Variants in ZNF20 observed in about 807,000 individuals in gnomAD.
ZNF20 encodes the protein zinc finger protein KOX13.
ZNF20 carries 9 observed loss-of-function variants against 11.0 expected under a neutral mutation model. The ratio of observed to expected loss-of-function variants is 0.82; its 90% CI spans 0.49 to 1.43. The LOEUF (loss-of-function observed/expected upper bound fraction) is 1.43, where lower values mean the gene tolerates loss of function less well. ZNF20 is among the 40% of genes most tolerant of loss of function. The pLI is 0.00. For synonymous variants in ZNF20, 182 were observed against 213.0 expected, an observed-to-expected ratio of 0.85 and a Z score of 1.27; for missense variants, 528 against 640.8, an observed-to-expected ratio of 0.82 and a Z score of 1.90.
intron 1 of ZNF20, among the ~76,000 whole-genome samples, chr19:12,138,525 A>G (rs1299287217): frequency 6.6e-6 from 1 of 152,034 alleles, no homozygotes; most frequent in Non-Finnish European, 1.5e-5. Flanking sequence ...GAGGAGAGGA[A>G]CAGAGGTTTT....
intron 1 of ZNF20, chr19:12,136,803 C>T (rs773876186): frequency 3.1e-5 from 13 of 420,960 alleles, no homozygotes; most frequent in South Asian, 6.9e-5. Context: ...AGTGAAACCA[C>T]GACAAAGCAG....
In ZNF20 at chr19:12,133,659, C is replaced by T; in HGVS notation, c.527G>A (p.Cys176Tyr). The T allele has an allele frequency of 6.2e-7, 1 of 1,614,194 alleles. No individual in the cohort carries two copies. Among genetic ancestry groups the T allele is most frequent in the Non-Finnish European group, 8.5e-7 (1 of 1,180,038 alleles). Reference protein sequence around the residue: ...TKEKPYDGKECTETFISHSCI... With the variant: ...TKEKPYDGKEYTETFISHSCI... ...TGAATGGGAAATGAAGGTTTCTGTA[C>T]ATTCTTTACCATCATAGGGTTTCTC... is the stretch of plus-strand genomic sequence containing the variant. Residue 176 changes from cysteine (C) to tyrosine (Y), a missense_variant, in exon 4 of 4, where the codon TGT becomes TAT. Transcript: ENST00000334213.
rs1976779795 is a variant in ZNF20 at position 12,140,224 on chromosome 19, C to T, written c.-42G>A. 3 of 1,595,596 alleles carry T rather than the reference C, an allele frequency of 1.9e-6. No homozygotes were observed. Among genetic ancestry groups the T allele is most frequent in the Admixed American group, 1.8e-5 (1 of 56,860 alleles). On this transcript the variant is annotated 5_prime_UTR_variant, in exon 1 of 4. Transcript: ENST00000334213. ...GTCCCGGTGTCCTCTCTAGGGCTCC[C>T]GTGAATAGTGCGGGTCACGGTGCAG...
intron 1 of ZNF20, 148 bp from the exon 2 acceptor site, chr19:12,136,052 C>A (rs1243718417): frequency 1.9e-6 from 2 of 1,050,638 alleles, no homozygotes; most frequent in East Asian, 5.5e-5. Flanking sequence ...TACTCACGTC[C>A]TCCCACAAAC....
At position 12,132,931 on chromosome 19, in the gene ZNF20, C is replaced by T. The variant is rs1283671764; in HGVS notation, c.1255G>A (p.Gly419Arg). Residue 419 changes from glycine (G) to arginine (R), a missense_variant, in exon 4 of 4, where the codon GGA becomes AGA. Gly to Arg is a moderately radical substitution (Grantham distance 125). Transcript: ENST00000334213. ...SLRIHERTHTGEKPHECKQCG... is the reference protein window; with the variant it reads ...SLRIHERTHTREKPHECKQCG... The stretch of plus-strand genomic sequence containing the variant: ...TGCTTACATTCATGGGGCTTCTCTC[C>T]AGTGTGCGTCCTTTCATGTATACGC... The T allele has an allele frequency of 1.9e-6, 3 of 1,614,130 alleles. No homozygotes were observed. In the East Asian group the frequency reaches 6.7e-5, roughly 36 times the overall value.
Position 12,133,187 on chromosome 19 carries a change from G to A in ZNF20, c.999C>T (p.His333=), listed in dbSNP as rs1317850239. Residue 333 remains histidine, a synonymous_variant, in exon 4 of 4, where the codon CAC becomes CAT. Transcript: ENST00000334213. ...TACATTCATAGGGTTTCTCTCCAGT[G>A]TGAGTCCTTCCATGCTTTTGAAGGT... ...GSHLQKHGRT[H]TGEKPYECRQ... is the part of the protein sequence containing the mutation. The A allele has an allele frequency of 1.2e-6, 2 of 1,613,820 alleles. No individual in the cohort carries two copies.
rs754515312 is a variant in ZNF20 at position 12,132,779 on chromosome 19, A to G, written c.1407T>C (p.His469=). ...AFTCSSSIRY[H]ERTHTGEKPY... ...GTTTCTCTCCAGTGTGAGTCCTTTC[A>G]TGATATCGAATGGAACTGGAACAAG... Residue 469 remains histidine, a synonymous_variant, in exon 4 of 4, where the codon CAT becomes CAC. Transcript: ENST00000334213. The G allele has an allele frequency of 1.9e-6, 3 of 1,614,026 alleles. No individual in the cohort carries two copies. The highest frequency in any genetic ancestry group is 2.5e-6 in the Non-Finnish European group (3 of 1,180,014).
chr19:12,135,626 A>G, intron 2 of ZNF20, 66 bp from the exon 3 acceptor site: 2 of 1,595,074 alleles, frequency 1.3e-6, no homozygotes, highest in Non-Finnish European at 1.7e-6. Flanking sequence ...AAATCATTAG[A>G]TTCTGTATTC....
rs761046677 is a variant in ZNF20 at position 12,132,956 on chromosome 19, CAAGG to C, written c.1226_1229del (p.Ser409CysfsTer128). 1.2e-6 allele frequency: 2 copies of C among 1,612,326 alleles called. No individual in the cohort carries two copies. The highest frequency in any genetic ancestry group is 1.1e-5 in the South Asian group (1 of 90,952). On this transcript the variant is annotated frameshift_variant, in exon 4 of 4. Coordinates refer to ENST00000334213, the MANE Select transcript of ZNF20 (RefSeq NM_021143.4). LOFTEE classifies it low-confidence loss of function (END_TRUNC). The stretch of plus-strand genomic sequence containing the variant: ...CAGTGTGCGTCCTTTCATGTATACG[CAAGG>C]AAGAAAAATACTTGAATACTTTTCC...
chr19:12,133,385 AG>A lies in ZNF20; in HGVS notation c.800del (p.Pro267LeufsTer37), dbSNP rs1976656664. 1.9e-6 allele frequency: 3 copies of A among 1,614,200 alleles called. No individual in the cohort carries two copies. The East Asian group carries it at 6.7e-5, about 36-fold the overall frequency. On this transcript the variant is annotated frameshift_variant, in exon 4 of 4. Coordinates refer to ENST00000334213, the MANE Select transcript of ZNF20 (RefSeq NM_021143.4). LOFTEE classifies it low-confidence loss of function (END_TRUNC). ...CKECGNAFSF[P>X]SEIRRHKRSH... ...ACCTTTTATGTCTACGAATTTCACT[AG>A]GAAAACTGAATGCATTCCCACATTC...
In ZNF20 at chr19:12,135,509, C is replaced by T; in HGVS notation, c.191G>A (p.Arg64Lys). The T allele has an allele frequency of 6.2e-7, 1 of 1,613,584 alleles. No homozygotes were observed. Among genetic ancestry groups the T allele is most frequent in the Non-Finnish European group, 8.5e-7 (1 of 1,179,806 alleles). The change falls in exon 3 of 4, where the codon AGA becomes AAA. Residue 64 changes from arginine (R) to lysine (K), a missense_variant. By Grantham distance (26) the Arg-to-Lys change is conservative. Transcript: ENST00000334213. ...NIEDEYKNPR[R>K]NLSLMREKLC... ...TGCGAGAGAAAATTACCTTAGATTT[C>T]TCCTGGGATTTTTGTACTCATCTTC...
At position 12,140,328 on chromosome 19, in the gene ZNF20, G is replaced by A. The variant is rs1039333976; in HGVS notation, c.-146C>T. ...AAATCTGGTATCCCGACAACAACCT[G>A]CATAGCAACAAAAGTAGAAGCTGGA... On this transcript the variant is annotated 5_prime_UTR_variant, in exon 1 of 4. It introduces an in-frame stop codon into an upstream open reading frame of the 5' UTR. Coordinates refer to ENST00000334213, the MANE Select transcript of ZNF20 (RefSeq NM_021143.4). The A allele has an allele frequency of 1.9e-6, 2 of 1,042,804 alleles. No homozygotes were observed. The highest frequency in any genetic ancestry group is 2.9e-6 in the Non-Finnish European group (2 of 686,412). 64.6% of individuals were successfully genotyped at this position (1,042,804 alleles called of 1,614,324 possible).
At chr19:12,138,919 T>C (rs73499979) in intron 1 of ZNF20, among the ~76,000 whole-genome samples, 2,227 of 152,308 alleles carry the variant, frequency 0.015, 49 homozygotes, top group African/African-American at 0.051. Flanking sequence ...TACTGCAAAC[T>C]GCTGAAGAGT....
chr19:12,138,506 CGAAGATAAGAGGAGAG>C (rs1976748419), intron 1 of ZNF20, among the ~76,000 whole-genome samples: 1 of 149,684 alleles, frequency 6.7e-6, no homozygotes, highest in Non-Finnish European at 1.5e-5. Flanking sequence ...CTGTGCCTTA[CGAAGATAAGAGGAGAG>C]GAACAGAGGT....
At chr19:12,134,006 C>A in intron 3 of ZNF20, 21 bp from the exon 4 acceptor site, 1 of 1,582,820 alleles carries the variant, frequency 6.3e-7, no homozygotes, top group Non-Finnish European at 8.6e-7. Flanking sequence ...AAATGAGAAG[C>A]ACATTATTAA....
At chr19:12,138,587 C>G (rs1196358661) in intron 1 of ZNF20, among the ~76,000 whole-genome samples, 2 of 151,658 alleles carry the variant, frequency 1.3e-5, no homozygotes, top group African/African-American at 4.8e-5. Flanking sequence ...TGTTCAGAAA[C>G]AGAACACAAA....
In ZNF20 at chr19:12,133,757, A is replaced by G. The variant is rs1976664812; in HGVS notation, c.429T>C (p.Tyr143=). Residue 143 remains tyrosine (Y), a synonymous_variant, in exon 4 of 4, where the codon TAT becomes TAC. Transcript: ENST00000334213. ...SEYQEYGENP[Y]RNKECKKAFS... ...AGGCTTTCTTACATTCCTTATTTCT[A>G]TATGGATTCTCTCCATATTCCTGAT... The G allele has an allele frequency of 6.2e-7, 1 of 1,614,182 alleles. No homozygotes were observed.
rs753131496 is a variant in ZNF20, at chr19:12,135,491, G to T, written c.200+9C>A. On this transcript the variant is annotated intron_variant, in intron 3 of 3. Transcript: ENST00000334213. ...AGAGGCATTGCCTTGTCTTGCGAGA[G>T]AAAATTACCTTAGATTTCTCCTGGG... 2 of 1,613,420 alleles carry T rather than the reference G, an allele frequency of 1.2e-6. No homozygotes were observed. The highest frequency in any genetic ancestry group is 2.2e-5 in the East Asian group (1 of 44,880).
In ZNF20 at chr19:12,140,282, C is replaced by A. The variant is rs1599436130; in HGVS notation, c.-100G>T. 6.7e-7 allele frequency: 1 copy of A among 1,485,812 alleles called. No individual in the cohort carries two copies. Among genetic ancestry groups the A allele is most frequent in the South Asian group, 1.2e-5 (1 of 83,188 alleles). 92.0% of individuals were successfully genotyped at this position (1,485,812 alleles called of 1,614,324 possible). A position where few individuals can be genotyped will look rare whatever the true frequency, so the allele number is the denominator to read the frequency against. ...AGCGACAGAAGTTGTGGCAGAGGGA[C>A]CCGGGGCCTCTCGGAGTAGGAAATC... is the stretch of plus-strand genomic sequence containing the variant. On this transcript the variant is annotated 5_prime_UTR_variant, in exon 1 of 4. Coordinates refer to ENST00000334213, the MANE Select transcript of ZNF20 (RefSeq NM_021143.4).
Sources: allele counts gnomAD v4.1 joint callset (sites outside exome capture counted in the v4.1 genomes callset), GRCh38; gene constraint gnomAD v4.1.1; transcripts MANE v1.5; gene names NCBI Gene and HGNC (gene_info 2026-07-23, HGNC 2026-07-21).